The following IL16 variants were observed in gnomAD, a reference collection of about 807,000 sequenced individuals.
The protein encoded by IL16 is interleukin 16.
In IL16, 67 loss-of-function variants were observed where a neutral mutation model predicts 110.1. That is an observed-to-expected ratio of 0.61 (90% CI 0.50 to 0.75). IL16 has a LOEUF of 0.75. Among genes scored for constraint, IL16 ranks in the 30% least tolerant of loss-of-function variants. The pLI, the probability that IL16 is intolerant of heterozygous loss-of-function variation, is 0.00. For synonymous variants in IL16, 689 were observed against 662.9 expected (o/e 1.04, Z -0.61); for missense variants, 1,545 against 1,655.0 (o/e 0.93, Z 1.15).
intron 2 of IL16, among the ~76,000 whole-genome samples, chr15:81,233,795 T>A (rs1173046049): frequency 6.6e-6 from 1 of 152,088 alleles, no homozygotes; most frequent in Non-Finnish European, 1.5e-5. Flanking sequence ...ATTTCCCCTA[T>A]GAATAGCTTG....
chr15:81,302,706 G>T (rs1900348977), intron 15 of IL16, among the ~76,000 whole-genome samples: 1 of 152,126 alleles, frequency 6.6e-6, no homozygotes, highest in Non-Finnish European at 1.5e-5. Flanking sequence ...TACTTTATTT[G>T]GTCTGCATGG....
intron 2 of IL16, among the ~76,000 whole-genome samples, chr15:81,256,560 C>G (rs1897954911): frequency 6.6e-6 from 1 of 152,010 alleles, no homozygotes; most frequent in South Asian, 2.1e-4. Flanking sequence ...GTCTTGAACT[C>G]CTTGAACTCC....
rs558995921 is a variant in IL16 at position 81,306,408 on chromosome 15, T to C, written c.3680-12T>C. The C allele has an allele frequency of 6.2e-6, 10 of 1,613,640 alleles. No homozygotes were observed. In the East Asian group the frequency reaches 2.0e-4, roughly 32 times the overall value. ...GAGAGGATCCCTAACAGAGACCTTG[T>C]GTTTTTCTCAGCAGCAGAGGCCACA... is the stretch of plus-strand genomic sequence containing the variant. On this transcript the variant is annotated splice_polypyrimidine_tract_variant and intron_variant, in intron 17 of 18. Coordinates refer to ENST00000683961, the MANE Select transcript of IL16 (RefSeq NM_172217.5).
chr15:81,279,739 A>G lies in IL16; in HGVS notation c.1046A>G (p.Asn349Ser), dbSNP rs763196394. ...PSAPISTAKP[N>S]YRIMVEVSLQ... ...GCTCCCATCAGCACCGCCAAGCCCA[A>G]TTACAGAATCATGGTGGAGGTTTCT... The change falls in exon 8 of 19, where the codon AAT (asparagine) becomes AGT (serine). Residue 349 changes from asparagine to serine, a missense_variant. By Grantham distance (46) the Asn-to-Ser change is conservative. This residue lies in a region of IL16 where 1,185 missense variants were observed against 1,238.8 expected (regional missense o/e 0.96). Transcript: ENST00000683961. 4 of 1,614,104 alleles carry G rather than the reference A, an allele frequency of 2.5e-6. No homozygotes were observed. Among genetic ancestry groups the G allele is most frequent in the African/African-American group, 2.7e-5 (2 of 74,928 alleles).
chr15:81,233,101 T>C (rs1377395156), intron 2 of IL16, among the ~76,000 whole-genome samples: 1 of 152,166 alleles, frequency 6.6e-6, no homozygotes, highest in Non-Finnish European at 1.5e-5. Flanking sequence ...GCATTTTTCT[T>C]CTGAGAATTT....
At chr15:81,302,410 G>T (rs1403326649) in intron 15 of IL16, among the ~76,000 whole-genome samples, 4 of 152,210 alleles carry the variant, frequency 2.6e-5, no homozygotes, top group Non-Finnish European at 4.4e-5. Context: ...GAGCTGCTCT[G>T]GGGAGAGTAT....
chr15:81,302,793 C>T (rs778423106), intron 15 of IL16, among the ~76,000 whole-genome samples: 28 of 152,254 alleles, frequency 1.8e-4, no homozygotes, highest in Non-Finnish European at 1.3e-4. Flanking sequence ...GATCTGGTAG[C>T]GCTAGTTCTG....
chr15:81,285,674 G>A, intron 9 of IL16, 24 bp from the exon 10 acceptor site: 1 of 1,612,994 alleles, frequency 6.2e-7, no homozygotes, highest in Admixed American at 1.7e-5. Context: ...ACTTACTGAT[G>A]GCTTCTTATT....
chr15:81,254,303 G>T (rs1196621962), intron 2 of IL16, among the ~76,000 whole-genome samples: 1 of 151,022 alleles, frequency 6.6e-6, no homozygotes, highest in Non-Finnish European at 1.5e-5. Flanking sequence ...TCTTTGGGGA[G>T]AAGTTTAGGC....
intron 4 of IL16, among the ~76,000 whole-genome samples, chr15:81,268,884 TAA>T (rs1418488812): frequency 6.6e-6 from 1 of 152,220 alleles, no homozygotes; most frequent in Non-Finnish European, 1.5e-5. Context: ...CAGAGAGGGC[TAA>T]GTCACTAAGC....
At chr15:81,249,197 T>C (rs528056840) in intron 2 of IL16, among the ~76,000 whole-genome samples, 9 of 152,226 alleles carry the variant, frequency 5.9e-5, no homozygotes, top group Non-Finnish European at 1.2e-4. Flanking sequence ...TGTTAATAGG[T>C]AAATTGCTCC....
At chr15:81,234,264 A>G (rs1199491509) in intron 2 of IL16, among the ~76,000 whole-genome samples, 2 of 152,090 alleles carry the variant, frequency 1.3e-5, no homozygotes, top group Admixed American at 6.6e-5. Context: ...ATATCATTTC[A>G]GATGTGTTTG....
chr15:81,282,831 A>T, intron 9 of IL16, 75 bp downstream of exon 9: 1 of 1,111,592 alleles, frequency 9.0e-7, no homozygotes, highest in Non-Finnish European at 1.4e-6. Context: ...ATGTCGGGAG[A>T]TTGATTTGGA....
intron 6 of IL16, among the ~76,000 whole-genome samples, chr15:81,278,122 T>C (rs550488294): frequency 1.3e-5 from 2 of 152,272 alleles, no homozygotes; most frequent in South Asian, 2.1e-4. Context: ...TATTGTAAAA[T>C]GGGGTCTACA....
Position 81,225,658 on chromosome 15 carries a change from C to A in IL16, c.259C>A (p.Gln87Lys). The change falls in exon 2 of 19, where the codon CAA becomes AAA. Residue 87 changes from glutamine (Q) to lysine (K), a missense_variant. By Grantham distance (53) the Gln-to-Lys change is moderately conservative. Coordinates refer to ENST00000683961, the MANE Select transcript of IL16 (RefSeq NM_172217.5). ...LALASEAAQL[Q>K]AAGNDRGKTC... is the part of the protein sequence containing the mutation. ...ACTGGCCTCGGAGGCTGCTCAACTCCAAGCAGCTGGGAATGATCGAGGCAA... is the reference window on the plus strand; with the variant it reads ...ACTGGCCTCGGAGGCTGCTCAACTCAAAGCAGCTGGGAATGATCGAGGCAA... 6.2e-7 allele frequency: 1 copy of A among 1,614,014 alleles called. No individual in the cohort carries two copies. Among genetic ancestry groups the A allele is most frequent in the Non-Finnish European group, 8.5e-7 (1 of 1,179,960 alleles).
chr15:81,238,216 T>G (rs1265547443), intron 2 of IL16, among the ~76,000 whole-genome samples: 1 of 152,216 alleles, frequency 6.6e-6, no homozygotes, highest in Non-Finnish European at 1.5e-5. Context: ...CTCTGTATTT[T>G]AACTGGTGTA....
intron 5 of IL16, among the ~76,000 whole-genome samples, chr15:81,270,512 G>A (rs1007255768): frequency 3.8e-4 from 58 of 152,246 alleles, no homozygotes; most frequent in African/African-American, 1.3e-3. Context: ...GAGCTTAGCA[G>A]GAAATAAAAA....
chr15:81,299,234 T>A (rs1596050036), intron 13 of IL16, 146 bp from the exon 14 acceptor site: 1 of 1,340,458 alleles, frequency 7.5e-7, no homozygotes, highest in Non-Finnish European at 1.1e-6. Flanking sequence ...TAATAGCACC[T>A]GGAGTTCACC....
Position 81,300,314 on chromosome 15 carries a change from G to C in IL16, c.2988G>C (p.Ser996=). 5 of 1,614,154 alleles carry C rather than the reference G, an allele frequency of 3.1e-6. No individual in the cohort carries two copies. The highest frequency in any genetic ancestry group is 3.4e-6 in the Non-Finnish European group (4 of 1,180,042). The change falls in exon 14 of 19, where the codon TCG becomes TCC. Residue 996 remains serine, a synonymous_variant. Transcript: ENST00000683961. ...KLYSISSQVS[S]AVMKSLLCLP... is the part of the protein sequence containing the mutation. ...ATTCTATCAGCAGCCAAGTGTCATC[G>C]GCTGTCATGAAATCCTTGCTGTGCC...
Sources: gnomAD v4.1 joint callset for allele counts (sites outside exome capture counted in the v4.1 genomes callset) on GRCh38, gnomAD v4.1.1 for gene constraint, gnomAD v4.1.1 regional missense constraint, MANE v1.5 for transcripts, NCBI Gene and HGNC (gene_info 2026-07-23, HGNC 2026-07-21) for gene names.